The following SENP3 variants were observed in gnomAD, a reference collection of about 807,000 sequenced individuals.
The protein encoded by SENP3 is SUMO specific peptidase 3.
In SENP3, 11 loss-of-function variants were observed where a neutral mutation model predicts 66.2. The ratio of observed to expected loss-of-function variants is 0.17; its 90% CI spans 0.10 to 0.28. The LOEUF (loss-of-function observed/expected upper bound fraction) is 0.28. Ranked by LOEUF, SENP3 falls within the 10% of genes least tolerant of loss-of-function variation. The pLI is 1.00. For synonymous variants in SENP3, 292 were observed against 277.6 expected (o/e 1.05, Z -0.52); for missense variants, 548 against 743.7 (o/e 0.74, Z 3.06).
intron 6 of SENP3, 55 bp downstream of exon 6, chr17:7,565,819 C>CT (rs2071262881): frequency 1.3e-6 from 2 of 1,487,594 alleles, no homozygotes; most frequent in Non-Finnish European, 9.4e-7. Flanking sequence ...TTTTAAGCAG[C>CT]TTTTTAAGCT....
In SENP3 at chr17:7,567,897, T is replaced by A. The variant is rs544384896; in HGVS notation, c.1341+893T>A. 2.0e-5 allele frequency among the ~76,000 whole-genome samples: 3 copies of A among 152,114 alleles called. No individual in the cohort carries two copies. The East Asian group carries it at 5.8e-4, about 29-fold the overall frequency. On this transcript the variant is annotated intron_variant, in intron 7 of 10. Coordinates refer to ENST00000321337, the MANE Select transcript of SENP3 (RefSeq NM_015670.6). ...TTAAACTCCTGTTTCAATGACAGAT[T>A]GAAAGGGGGGCAAGAATGGAAGCAG... is the stretch of plus-strand genomic sequence containing the variant.
rs775771147 is a variant in SENP3 at position 7,571,748 on chromosome 17, C to T, written c.*265C>T. On this transcript the variant is annotated 3_prime_UTR_variant, in exon 11 of 11. Transcript: ENST00000321337. ...CCTGTGGCCTGGGTGGAGCAGTCATCCTCCCCCTTCCCCGTGCAGGGAGCA... is the reference window on the plus strand; with the variant it reads ...CCTGTGGCCTGGGTGGAGCAGTCATTCTCCCCCTTCCCCGTGCAGGGAGCA... The T allele has an allele frequency of 1.6e-4, 41 of 261,592 alleles. No homozygotes were observed. Among genetic ancestry groups the T allele is most frequent in the African/African-American group, 9.1e-4 (37 of 40,792 alleles). The allele number at this position is 261,592 out of a possible 1,614,324, so 16.2% of individuals were successfully genotyped here.
chr17:7,566,012 T>C lies in SENP3; in HGVS notation c.1263+248T>C, dbSNP rs1003810445. ...CAAGGATTGGGATGGGTTCCTATTG[T>C]AACTATTGTAAAACAAGATTTAAAA... On this transcript the variant is annotated intron_variant, in intron 6 of 10. Transcript: ENST00000321337. 9.7e-6 allele frequency: 4 copies of C among 412,094 alleles called. No homozygotes were observed. The East Asian group carries it at 1.5e-4, about 15-fold the overall frequency. The allele number at this position is 412,094 out of a possible 1,614,324, so 25.5% of individuals were successfully genotyped here.
intron 4 of SENP3, 86 bp downstream of exon 4, chr17:7,565,156 G>A (rs2071258044): frequency 1.9e-6 from 2 of 1,073,720 alleles, no homozygotes; most frequent in Non-Finnish European, 1.4e-6. Flanking sequence ...CCATAGGGCT[G>A]TAGTTGGGGA....
chr17:7,570,618 C>A lies in SENP3; in HGVS notation c.1480-63C>A. 8 of 1,577,008 alleles carry A rather than the reference C, an allele frequency of 5.1e-6. No homozygotes were observed. The highest frequency in any genetic ancestry group is 8.6e-7 in the Non-Finnish European group (1 of 1,157,240). On this transcript the variant is annotated intron_variant, in intron 8 of 10. Transcript: ENST00000321337. The surrounding 1 kb of genome is among the most constrained non-coding windows in gnomAD (Gnocchi z 5.4). ...GGGCATGGTGTCTGCCAGCACTGTA[C>A]CCACCATACTGTGTTCAATTGAGAA...
In SENP3 at chr17:7,566,454, C is replaced by G. The variant is rs371422772; in HGVS notation, c.1264-473C>G. Among the ~76,000 whole-genome samples, 4 of 151,862 alleles carry G rather than the reference C, an allele frequency of 2.6e-5. No homozygotes were observed. In the East Asian group the frequency reaches 5.8e-4, roughly 22 times the overall value. ...GTGGATCACCCGAGGTCAGGAGTTC[C>G]AGACCAGCCTGGCCAACATGGTGAA... On this transcript the variant is annotated intron_variant, in intron 6 of 10. Coordinates refer to ENST00000321337, the MANE Select transcript of SENP3 (RefSeq NM_015670.6).
In SENP3 at chr17:7,563,810, G is replaced by A. The variant is rs1282582856; in HGVS notation, c.715+19G>A. 6.4e-7 allele frequency: 1 copy of A among 1,565,510 alleles called. No individual in the cohort carries two copies. The highest frequency in any genetic ancestry group is 8.7e-7 in the Non-Finnish European group (1 of 1,151,880). On this transcript the variant is annotated intron_variant, in intron 2 of 10. Transcript: ENST00000321337. ...GACTCGGGTAAGGTGGGAAAGGGGTGTGGGGTTGCGGGGGAGGGGTTAGGG... is the reference window on the plus strand; with the variant it reads ...GACTCGGGTAAGGTGGGAAAGGGGTATGGGGTTGCGGGGGAGGGGTTAGGG...
Position 7,570,197 on chromosome 17 carries a change from C to T in SENP3, c.1342-159C>T, listed in dbSNP as rs1288173160. Among the ~76,000 whole-genome samples, 3 of 152,158 alleles carry T rather than the reference C, an allele frequency of 2.0e-5. No homozygotes were observed. The highest frequency in any genetic ancestry group is 1.9e-4 in the East Asian group (1 of 5,194). On this transcript the variant is annotated intron_variant, in intron 7 of 10. Coordinates refer to ENST00000321337, the MANE Select transcript of SENP3 (RefSeq NM_015670.6). This position sits in a 1 kb window ranked among gnomAD's most constrained non-coding sequence, Gnocchi z 5.4. ...ACCTTCCTCCCTTACCCCGAAGAACCGAAACATGCAGATCCTGAGCTTGCC... is the reference window on the plus strand; with the variant it reads ...ACCTTCCTCCCTTACCCCGAAGAACTGAAACATGCAGATCCTGAGCTTGCC...
At chr17:7,566,103 A>T in intron 6 of SENP3, 1 of 205,122 alleles carries the variant, frequency 4.9e-6, no homozygotes, top group South Asian at 9.4e-5. Flanking sequence ...GCACTCTGGG[A>T]GACCAGGGCG....
chr17:7,565,525 C>T lies in SENP3; in HGVS notation c.1153C>T (p.Arg385Trp). The T allele has an allele frequency of 1.2e-6, 2 of 1,613,790 alleles. No individual in the cohort carries two copies. Among genetic ancestry groups the T allele is most frequent in the Non-Finnish European group, 1.7e-6 (2 of 1,179,822 alleles). ...GAGGGGCTTCCGAGTGGCTTATAAG[C>T]GGCACGTGCTGACCATGGATGACTT... ...MVRGFRVAYKRHVLTMDDLGT... is the reference protein window; with the variant it reads ...MVRGFRVAYKWHVLTMDDLGT... Residue 385 changes from arginine to tryptophan, a missense_variant, in exon 5 of 11, where the codon CGG becomes TGG. By Grantham distance (101) the Arg-to-Trp change is moderately radical. This residue lies in a region of SENP3 where 72 missense variants were observed against 137.9 expected (regional missense o/e 0.52). Coordinates refer to ENST00000321337, the MANE Select transcript of SENP3 (RefSeq NM_015670.6).
intron 7 of SENP3, among the ~76,000 whole-genome samples, chr17:7,569,359 T>C (rs2071293528): frequency 7.7e-6 from 1 of 130,158 alleles, no homozygotes; most frequent in East Asian, 2.6e-4. Flanking sequence ...CACTCCAGTC[T>C]GGGCAACAGA....
chr17:7,565,955 C>T (rs1597839894), intron 6 of SENP3, 191 bp downstream of exon 6: 1 of 568,144 alleles, frequency 1.8e-6, no homozygotes, highest in East Asian at 2.8e-5. Flanking sequence ...TCCTTTCTGC[C>T]AGTATTTAGT....
Position 7,563,459 on chromosome 17 carries a change from G to A in SENP3, c.383G>A (p.Arg128Gln). The A allele has an allele frequency of 7.8e-7, 1 of 1,282,904 alleles. No individual in the cohort carries two copies. Among genetic ancestry groups the A allele is most frequent in the Non-Finnish European group, 1.0e-6 (1 of 977,636 alleles). The allele number at this position is 1,282,904 out of a possible 1,614,324, so 79.5% of individuals were successfully genotyped here. A position where few individuals can be genotyped will look rare whatever the true frequency, so the allele number is the denominator to read the frequency against. ...HRKTCSQRRR[R>Q]AMRAFRMLLY... ...AAAACCTGCTCACAGCGCCGCCGCC[G>A]AGCCATGAGAGCCTTCCGGATGCTG... The change falls in exon 2 of 11, where the codon CGA (arginine) becomes CAA (glutamine). Residue 128 changes from arginine to glutamine, a missense_variant. Transcript: ENST00000321337.
At position 7,563,730 on chromosome 17, in the gene SENP3, G is replaced by GC; in HGVS notation, c.660dup (p.Met221HisfsTer17). ...GAGGGTCTCCACCAGTGCCCTCTGGGCCCCCCATGGAGGAAGATGGACTCA... is the reference window on the plus strand; with the variant it reads ...GAGGGTCTCCACCAGTGCCCTCTGGGCCCCCCCATGGAGGAAGATGGACTCA... On this transcript the variant is annotated frameshift_variant, in exon 2 of 11. Coordinates refer to ENST00000321337, the MANE Select transcript of SENP3 (RefSeq NM_015670.6). LOFTEE classifies it high-confidence loss of function. 6.2e-7 allele frequency: 1 copy of GC among 1,611,218 alleles called. No homozygotes were observed.
chr17:7,571,199 T>C (rs2071310914), intron 10 of SENP3, among the ~76,000 whole-genome samples, 174 bp from the exon 11 acceptor site: 1 of 152,178 alleles, frequency 6.6e-6, no homozygotes, highest in African/African-American at 2.4e-5. Flanking sequence ...ATCTAAAACA[T>C]TCTATCAAGT....
rs781229346 is a variant in SENP3, at chr17:7,564,983, C to T, written c.980C>T (p.Thr327Met). 6 of 1,613,424 alleles carry T rather than the reference C, an allele frequency of 3.7e-6. No individual in the cohort carries two copies. Among genetic ancestry groups the T allele is most frequent in the East Asian group, 2.2e-5 (1 of 44,868 alleles). Residue 327 changes from threonine (T) to methionine (M), a missense_variant, in exon 4 of 11, where the codon ACG becomes ATG. Around this residue, in one of 6 missense-constraint regions of SENP3, gnomAD observed 215 missense variants for 230.7 expected, o/e 0.93. Coordinates refer to ENST00000321337, the MANE Select transcript of SENP3 (RefSeq NM_015670.6). The part of the protein sequence containing the change: ...VQSILDEFLQ[T>M]YGSLIPLSTD... ...GGCATCTTGGACGAATTCCTTCAAA[C>T]GTATGGCAGCCTCATACCCCTCAGC...
At position 7,562,022 on chromosome 17, in the gene SENP3, C is replaced by T. The variant is rs11654859; in HGVS notation, c.-253C>T. 0.16 allele frequency: 62,919 copies of T among 399,856 alleles called. 5,180 individuals carry two copies. Among genetic ancestry groups the T allele is most frequent in the African/African-American group, 0.17 (8,454 of 48,508 alleles). 24.8% of individuals were successfully genotyped at this position (399,856 alleles called of 1,614,324 possible). On this transcript the variant is annotated 5_prime_UTR_variant, in exon 1 of 11. Coordinates refer to ENST00000321337, the MANE Select transcript of SENP3 (RefSeq NM_015670.6). The surrounding 1 kb of genome is among the most constrained non-coding windows in gnomAD (Gnocchi z 5.0). ...GCGGCGGCGGCGGTGGCGCTGGTGG[C>T]GGCGGTGGCGGAGGTGGAGGTGGAG...
Position 7,563,659 on chromosome 17 carries a change from C to T in SENP3, c.583C>T (p.Pro195Ser), listed in dbSNP as rs748429172. 1.2e-6 allele frequency: 2 copies of T among 1,611,322 alleles called. No homozygotes were observed. The highest frequency in any genetic ancestry group is 1.3e-5 in the African/African-American group (1 of 74,898). The change falls in exon 2 of 11, where the codon CCC becomes TCC. Residue 195 changes from proline to serine, a missense_variant. Coordinates refer to ENST00000321337, the MANE Select transcript of SENP3 (RefSeq NM_015670.6). ...TGACTCCCCCCGGGGGCCACCTCCA[C>T]CCCGGCTGGGTCTGCTAGGTGCTCT... ...RFDSPRGPPP[P>S]RLGLLGALMA...
intron 7 of SENP3, among the ~76,000 whole-genome samples, chr17:7,568,058 T>C (rs1162449865): frequency 6.6e-6 from 1 of 150,732 alleles, no homozygotes; most frequent in Non-Finnish European, 1.5e-5. Flanking sequence ...GAGAGATACA[T>C]ATTTGGTCTC....
Sources: gnomAD v4.1 joint callset for allele counts (sites outside exome capture counted in the v4.1 genomes callset) on GRCh38, gnomAD v4.1.1 for gene constraint, gnomAD v4.1.1 regional missense constraint, Gnocchi (gnomAD v3.1) non-coding constraint, MANE v1.5 for transcripts, NCBI Gene and HGNC (gene_info 2026-07-23, HGNC 2026-07-21) for gene names.